CNTNAP1: variants seen among roughly 807,000 people sequenced by gnomAD.
CNTNAP1 encodes the protein contactin-associated protein 1.
CNTNAP1 carries 80 observed loss-of-function variants against 161.5 expected under a neutral mutation model. The observed-to-expected ratio is 0.50, with a 90% CI of 0.41 to 0.60. The LOEUF is 0.60. Ranked by LOEUF, CNTNAP1 falls within the 20% of genes least tolerant of loss-of-function variation. The pLI is 0.00. For synonymous variants in CNTNAP1, 695 were observed against 733.1 expected (o/e 0.95, Z 0.84); for missense variants, 1,464 against 1,854.8 (o/e 0.79, Z 3.87).
At chr17:42,686,384 AT>A (rs879801620) in intron 6 of CNTNAP1, among the ~76,000 whole-genome samples, 60 of 145,318 alleles carry the variant, frequency 4.1e-4, no homozygotes, top group Non-Finnish European at 7.1e-4. Context: ...ATTTAAAAAA[AT>A]TTTTTTTTTC....
chr17:42,688,021 G>T, intron 8 of CNTNAP1, 40 bp downstream of exon 8: 3 of 1,594,768 alleles, frequency 1.9e-6, no homozygotes, highest in Non-Finnish European at 2.6e-6. Flanking sequence ...GAGAAGAGAA[G>T]TGTAGAGGAT....
At position 42,698,782 on chromosome 17, in the gene CNTNAP1, C is replaced by T; in HGVS notation, c.4027C>T (p.Pro1343Ser). The T allele has an allele frequency of 6.2e-7, 1 of 1,611,988 alleles. No homozygotes were observed. Among genetic ancestry groups the T allele is most frequent in the South Asian group, 1.1e-5 (1 of 91,062 alleles). ...ACCCACTTCAGGCCCTGCCCAGGTC[C>T]CCACCCCTACAGCAGCTCCCAACCA... ...PLPTSGPAQV[P>S]TPTAAPNQAP... The change falls in exon 24 of 24, where the codon CCC becomes TCC. Residue 1343 changes from proline to serine, a missense_variant. Physicochemically the swap from Pro to Ser is moderately conservative, Grantham distance 74. Coordinates refer to ENST00000264638, the MANE Select transcript of CNTNAP1 (RefSeq NM_003632.3).
In CNTNAP1 at chr17:42,683,910, G is replaced by T; in HGVS notation, c.157G>T (p.Ala53Ser). 3.1e-6 allele frequency: 5 copies of T among 1,613,730 alleles called. No individual in the cohort carries two copies. In the South Asian group the frequency reaches 5.5e-5, roughly 18 times the overall value. Reference protein sequence around the residue: ...YYSLLTAPRFARLHGISGWSP... With the variant: ...YYSLLTAPRFSRLHGISGWSP... ...CAGTCTCCTTACTGCGCCGAGATTC[G>T]CCAGGCTGCACGGTGAGCTCCGCGG... The change falls in exon 2 of 24, where the codon GCC becomes TCC. Residue 53 changes from alanine (A) to serine (S), a missense_variant. This residue lies in a region of CNTNAP1 where 77 missense variants were observed against 73.6 expected (regional missense o/e 1.05). Transcript: ENST00000264638.
At position 42,682,813 on chromosome 17, in the gene CNTNAP1, G is replaced by A. The variant is rs2052952471; in HGVS notation, c.-17G>A. 4 of 1,560,302 alleles carry A rather than the reference G, an allele frequency of 2.6e-6. No individual in the cohort carries two copies. Among genetic ancestry groups the A allele is most frequent in the Non-Finnish European group, 3.5e-6 (4 of 1,154,696 alleles). On this transcript the variant is annotated 5_prime_UTR_variant, in exon 1 of 24. Coordinates refer to ENST00000264638, the MANE Select transcript of CNTNAP1 (RefSeq NM_003632.3). ...AGCCGTTCACAGGGAGGCGGCTGCC[G>A]GGACCGTCAGCCCTGCATGATGCAT...
At chr17:42,690,542 A>AG (rs1567972896) in intron 12 of CNTNAP1, among the ~76,000 whole-genome samples, 197 bp from the exon 13 acceptor site, 1 of 150,912 alleles carries the variant, frequency 6.6e-6, no homozygotes, top group Admixed American at 6.6e-5. Context: ...AAAAAAAAAA[A>AG]GTATATCCCA....
In CNTNAP1 at chr17:42,686,264, G is replaced by T. The variant is rs2053006074; in HGVS notation, c.900+123G>T. 5.9e-6 allele frequency: 6 copies of T among 1,011,880 alleles called. No individual in the cohort carries two copies. In the Admixed American group the frequency reaches 1.2e-4, roughly 21 times the overall value. The allele number at this position is 1,011,880 out of a possible 1,614,324, so 62.7% of individuals were successfully genotyped here. ...GGAAAGACCTGGCATTCAGGCTGTG[G>T]GTGGTGGCTCATGCCTGTAATCCCA... On this transcript the variant is annotated intron_variant, in intron 6 of 23. Transcript: ENST00000264638.
rs1163401377 is a variant in CNTNAP1 at position 42,687,424 on chromosome 17, C to G, written c.1045-296C>G. Reference sequence around the variant, plus strand: ...AGCTCTGTTGGGAAGCTGGCAGGAGCCAGGTCTGTGGTCCAAAATTGCCTC... The same window carrying G: ...AGCTCTGTTGGGAAGCTGGCAGGAGGCAGGTCTGTGGTCCAAAATTGCCTC... On this transcript the variant is annotated intron_variant, in intron 7 of 23. Coordinates refer to ENST00000264638, the MANE Select transcript of CNTNAP1 (RefSeq NM_003632.3). This position sits in a 1 kb window ranked among gnomAD's most constrained non-coding sequence, Gnocchi z 4.7. 10 of 528,922 alleles carry G rather than the reference C, an allele frequency of 1.9e-5. No homozygotes were observed. In the South Asian group the frequency reaches 2.2e-4, roughly 11 times the overall value. 32.8% of individuals were successfully genotyped at this position (528,922 alleles called of 1,614,324 possible). A position where few individuals can be genotyped will look rare whatever the true frequency, so the allele number is the denominator to read the frequency against.
intron 22 of CNTNAP1, 41 bp from the exon 23 acceptor site, chr17:42,697,862 A>C (rs182910851): frequency 6.2e-7 from 1 of 1,614,136 alleles, no homozygotes; most frequent in African/African-American, 1.3e-5. Context: ...GATTCTTAAC[A>C]TGGAGGAGGC....
intron 2 of CNTNAP1, 50 bp downstream of exon 2, chr17:42,683,972 G>C (rs762980850): frequency 6.2e-7 from 1 of 1,613,248 alleles, no homozygotes; most frequent in Non-Finnish European, 8.5e-7. Context: ...CCGCGGAAGG[G>C]TGGGGGCCTC....
chr17:42,683,253 G>A (rs2052960889), intron 1 of CNTNAP1: 12 of 681,352 alleles, frequency 1.8e-5, no homozygotes, highest in Non-Finnish European at 2.4e-5. Flanking sequence ...CTGGACTTTG[G>A]AGCTGGCCAA....
rs1203448010 is a variant in CNTNAP1 at position 42,682,894 on chromosome 17, A to G, written c.65A>G (p.Tyr22Cys). The G allele has an allele frequency of 3.1e-6, 5 of 1,599,510 alleles. No individual in the cohort carries two copies. The highest frequency in any genetic ancestry group is 4.3e-6 in the Non-Finnish European group (5 of 1,174,264). The change falls in exon 1 of 24, where the codon TAC becomes TGC. Residue 22 changes from tyrosine to cysteine, a missense_variant and splice_region_variant. This residue lies in a region of CNTNAP1 where 77 missense variants were observed against 73.6 expected (regional missense o/e 1.05). Coordinates refer to ENST00000264638, the MANE Select transcript of CNTNAP1 (RefSeq NM_003632.3). ...GTCTCAGGAGCCGAGGGCTGGGGCTACTGTGAGTGTTGGGCTTGGAGGCAG... is the reference window on the plus strand; with the variant it reads ...GTCTCAGGAGCCGAGGGCTGGGGCTGCTGTGAGTGTTGGGCTTGGAGGCAG... ...AAVSGAEGWG[Y>C]YGCDEELVGP... is the part of the protein sequence containing the mutation.
Position 42,683,826 on chromosome 17 carries a change from T to A in CNTNAP1, c.73T>A (p.Cys25Ser), listed in dbSNP as rs1346131068. 1 of 1,611,436 alleles carries A rather than the reference T, an allele frequency of 6.2e-7. No individual in the cohort carries two copies. Residue 25 changes from cysteine to serine, a missense_variant, in exon 2 of 24, where the codon TGC becomes AGC. Physicochemically the swap from Cys to Ser is moderately radical, Grantham distance 112 (BLOSUM62 -1). Coordinates refer to ENST00000264638, the MANE Select transcript of CNTNAP1 (RefSeq NM_003632.3). ...SGAEGWGYYG[C>S]DEELVGPLYA... ...AGTCGGTTTCCCTACCCTAGACGGC[T>A]GCGACGAGGAGCTGGTGGGTCCCCT...
Position 42,689,587 on chromosome 17 carries a change from C to T in CNTNAP1, c.1695C>T (p.Tyr565=). 1 of 1,614,010 alleles carries T rather than the reference C, an allele frequency of 6.2e-7. No homozygotes were observed. Among genetic ancestry groups the T allele is most frequent in the East Asian group, 2.2e-5 (1 of 44,868 alleles). ...AGTCTTGGGATGACTTCATTTGCTACTGCGAACTGACGGGCTACAAGGGAG... is the reference window on the plus strand; with the variant it reads ...AGTCTTGGGATGACTTCATTTGCTATTGCGAACTGACGGGCTACAAGGGAG... ...CYQSWDDFIC[Y]CELTGYKGET... The change falls in exon 11 of 24, where the codon TAC becomes TAT. Residue 565 remains tyrosine (Y), a synonymous_variant. Transcript: ENST00000264638.
At position 42,682,542 on chromosome 17, in the gene CNTNAP1, G is replaced by A. The variant is rs937856090; in HGVS notation, c.-288G>A. 7.6e-5 allele frequency: 38 copies of A among 499,976 alleles called. No individual in the cohort carries two copies. The highest frequency in any genetic ancestry group is 6.4e-4 in the African/African-American group (32 of 49,770). 31.0% of individuals were successfully genotyped at this position (499,976 alleles called of 1,614,324 possible). ...TGCGCGGGGTCCGGGAAACCGGCGC[G>A]TGCCAGGAGACAGAGGCTGGGGAAG... is the stretch of plus-strand genomic sequence containing the variant. On this transcript the variant is annotated 5_prime_UTR_variant, in exon 1 of 24. The change creates a new upstream start codon in the 5' untranslated region. Transcript: ENST00000264638.
At position 42,682,613 on chromosome 17, in the gene CNTNAP1, G is replaced by C. The variant is rs12947031; in HGVS notation, c.-217G>C. 0.53 allele frequency: 312,544 copies of C among 587,984 alleles called. 84,705 individuals are homozygous for C. The highest frequency in any genetic ancestry group is 0.65 in the South Asian group (32,730 of 50,484). The allele number at this position is 587,984 out of a possible 1,614,324, so 36.4% of individuals were successfully genotyped here. A position where few individuals can be genotyped will look rare whatever the true frequency, so the allele number is the denominator to read the frequency against. On this transcript the variant is annotated 5_prime_UTR_variant, in exon 1 of 24. Coordinates refer to ENST00000264638, the MANE Select transcript of CNTNAP1 (RefSeq NM_003632.3). ...GGGTGGAAAGGAGAGGATAGAGAGA[G>C]AAGAGCGGAGGACCAGGAACCAGAG...
chr17:42,685,892 T>C lies in CNTNAP1; in HGVS notation c.716-65T>C. ...CTTTGTTACACGCTGCTGCTCTGCC[T>C]AGGAGCTTGGACTCCATGGAGTTCT... On this transcript the variant is annotated intron_variant, in intron 5 of 23. Transcript: ENST00000264638. The surrounding 1 kb of genome is among the most constrained non-coding windows in gnomAD (Gnocchi z 5.0). 6.4e-7 allele frequency: 1 copy of C among 1,558,348 alleles called. No individual in the cohort carries two copies. The highest frequency in any genetic ancestry group is 8.8e-7 in the Non-Finnish European group (1 of 1,136,348).
At position 42,693,317 on chromosome 17, in the gene CNTNAP1, C is replaced by T. The variant is rs755673095; in HGVS notation, c.2773C>T (p.Arg925Cys). ...LYVGSAELKR[R>C]PFVGCLRAMR... is the part of the protein sequence containing the mutation. ...CCCAGGATCTGCAGAGCTTAAGAGACGCCCCTTTGTGGGTTGCTTGAGGGC... is the reference window on the plus strand; with the variant it reads ...CCCAGGATCTGCAGAGCTTAAGAGATGCCCCTTTGTGGGTTGCTTGAGGGC... Residue 925 changes from arginine to cysteine, a missense_variant, in exon 18 of 24, where the codon CGC (arginine) becomes TGC (cysteine). Physicochemically the swap from Arg to Cys is radical, Grantham distance 180. Transcript: ENST00000264638. The T allele has an allele frequency of 1.9e-5, 30 of 1,614,074 alleles. No homozygotes were observed. In the Middle Eastern group the frequency reaches 4.9e-4, roughly 27 times the overall value.
chr17:42,693,206 G>A (rs1231055729), intron 17 of CNTNAP1, 91 bp from the exon 18 acceptor site: 33 of 1,468,616 alleles, frequency 2.2e-5, no homozygotes, highest in South Asian at 2.4e-5. Context: ...TGATTCGCCC[G>A]CCTCGGCCTC....
chr17:42,683,136 G>GGGTT, intron 1 of CNTNAP1: 5 of 603,114 alleles, frequency 8.3e-6, no homozygotes, highest in South Asian at 8.1e-5. Context: ...CAGGGATTTG[G>GGGTT]GGTTGGGATC....
Sources: allele counts gnomAD v4.1 joint callset (sites outside exome capture counted in the v4.1 genomes callset), GRCh38; gene constraint gnomAD v4.1.1; regional missense constraint gnomAD v4.1.1; non-coding constraint Gnocchi (gnomAD v3.1); transcripts MANE v1.5; gene names NCBI Gene and HGNC (gene_info 2026-07-23, HGNC 2026-07-21).